Variants in GRM7 observed in about 807,000 individuals in gnomAD.
The protein encoded by GRM7 is glutamate metabotropic receptor 7.
Under a neutral mutation model 84.5 loss-of-function variants are expected in GRM7, and 35 were observed. That is an observed-to-expected ratio of 0.41 (90% confidence interval 0.32 to 0.55). GRM7 has a LOEUF of 0.55. GRM7 is among the 20% of genes least tolerant of loss of function. The pLI, the probability that GRM7 is intolerant of heterozygous loss-of-function variation, is 0.19. For missense variants in GRM7, 1,003 were observed against 1,194.6 expected, an observed-to-expected ratio of 0.84 and a Z score of 2.36; for synonymous variants, 487 against 455.1, an observed-to-expected ratio of 1.07 and a Z score of -0.89.
At chr3:6,953,504 T>C (rs1200182841) in intron 1 of GRM7, among the ~76,000 whole-genome samples, 1 of 152,184 alleles carries the variant, frequency 6.6e-6, no homozygotes, top group Admixed American at 6.6e-5. Flanking sequence ...GCTTCATTTT[T>C]CCCCCCATGC....
At chr3:6,922,264 G>A (rs916011463) in intron 1 of GRM7, among the ~76,000 whole-genome samples, 4 of 152,206 alleles carry the variant, frequency 2.6e-5, no homozygotes, top group Non-Finnish European at 5.9e-5. Context: ...CACAGTTCCA[G>A]ATAGAAATGA....
intron 6 of GRM7, among the ~76,000 whole-genome samples, chr3:7,453,492 C>T (rs184417854): frequency 6.6e-6 from 1 of 152,242 alleles, no homozygotes; most frequent in East Asian, 1.9e-4. Flanking sequence ...ACTCACAAAA[C>T]TCAGTAAAAC....
At chr3:6,965,483 T>A (rs1179927244) in intron 1 of GRM7, among the ~76,000 whole-genome samples, 2 of 151,976 alleles carry the variant, frequency 1.3e-5, no homozygotes, top group Non-Finnish European at 2.9e-5. Flanking sequence ...TGTGCCACCA[T>A]GCCCGGCTAA....
chr3:7,725,012 T>G (rs1372987384), intron 9 of GRM7, among the ~76,000 whole-genome samples: 6 of 152,178 alleles, frequency 3.9e-5, no homozygotes, highest in Non-Finnish European at 8.8e-5. Flanking sequence ...ACTCCTAGCT[T>G]CAAGCAATAA....
chr3:7,089,929 A>C (rs748441086), intron 1 of GRM7, among the ~76,000 whole-genome samples: 1 of 151,726 alleles, frequency 6.6e-6, no homozygotes. Flanking sequence ...TGCAACCTCT[A>C]CTCCCCGGGT....
chr3:6,998,668 G>C (rs1474827796), intron 1 of GRM7, among the ~76,000 whole-genome samples: 1 of 152,220 alleles, frequency 6.6e-6, no homozygotes, highest in African/African-American at 2.4e-5. Context: ...TCTAGGTGGA[G>C]GTTTCCAAAC....
chr3:7,426,940 G>A (rs1400454960), intron 5 of GRM7, among the ~76,000 whole-genome samples: 4 of 152,208 alleles, frequency 2.6e-5, no homozygotes, highest in Non-Finnish European at 5.9e-5. Flanking sequence ...GGAGAAGAAG[G>A]AGATGATTTG....
chr3:7,005,215 T>G (rs924490866), intron 1 of GRM7, among the ~76,000 whole-genome samples: 1 of 152,166 alleles, frequency 6.6e-6, no homozygotes, highest in Non-Finnish European at 1.5e-5. Flanking sequence ...TACTCAGTAG[T>G]TCCTCTCAGG....
chr3:7,163,497 A>G (rs1354243796), intron 2 of GRM7, among the ~76,000 whole-genome samples: 1 of 152,222 alleles, frequency 6.6e-6, no homozygotes, highest in Non-Finnish European at 1.5e-5. Flanking sequence ...TCCTCATTGC[A>G]GCTAGGGGTT....
At chr3:7,658,439 T>C (rs1699294316) in intron 8 of GRM7, among the ~76,000 whole-genome samples, 1 of 152,202 alleles carries the variant, frequency 6.6e-6, no homozygotes, top group Admixed American at 6.5e-5. Flanking sequence ...AAGTTGGCAA[T>C]AATTTTAGTT....
At chr3:7,058,126 C>G (rs891853780) in intron 1 of GRM7, among the ~76,000 whole-genome samples, 1 of 151,796 alleles carries the variant, frequency 6.6e-6, no homozygotes, top group African/African-American at 2.4e-5. Flanking sequence ...AATCCAGAAA[C>G]AGACTTTCGG....
intron 7 of GRM7, among the ~76,000 whole-genome samples, chr3:7,497,137 C>T (rs1244468948): frequency 1.3e-5 from 2 of 150,818 alleles, no homozygotes; most frequent in Non-Finnish European, 3.0e-5. Context: ...TGAAGTGGCT[C>T]TCTTGGTCAT....
intron 8 of GRM7, among the ~76,000 whole-genome samples, chr3:7,617,872 A>G (rs1339400544): frequency 6.6e-6 from 1 of 152,128 alleles, no homozygotes; most frequent in Admixed American, 6.6e-5. Flanking sequence ...CAACCCATCA[A>G]TCAATAAATA....
At chr3:7,043,972 C>A (rs1324553729) in intron 1 of GRM7, among the ~76,000 whole-genome samples, 3 of 152,154 alleles carry the variant, frequency 2.0e-5, no homozygotes, top group African/African-American at 4.8e-5. Flanking sequence ...GTACCGCCCC[C>A]CTGGTTCAAG....
At chr3:7,636,434 G>C in intron 8 of GRM7, 1 of 369,490 alleles carries the variant, frequency 2.7e-6, no homozygotes, top group South Asian at 2.1e-5. Context: ...TCACTCTAAA[G>C]TTACAAGAAC....
chr3:7,030,623 T>C (rs1306701835), intron 1 of GRM7, among the ~76,000 whole-genome samples: 2 of 152,176 alleles, frequency 1.3e-5, no homozygotes, highest in African/African-American at 2.4e-5. Flanking sequence ...ACCTGGCTCA[T>C]ATTCACAGTC....
chr3:7,465,940 C>A (rs1698444976), intron 7 of GRM7, among the ~76,000 whole-genome samples: 1 of 152,080 alleles, frequency 6.6e-6, no homozygotes, highest in Non-Finnish European at 1.5e-5. Flanking sequence ...CACTCTGTCT[C>A]CTCTGTGGCC....
intron 5 of GRM7, among the ~76,000 whole-genome samples, chr3:7,422,574 C>T (rs1696441087): frequency 6.6e-6 from 1 of 152,100 alleles, no homozygotes; most frequent in African/African-American, 2.4e-5. Context: ...GTCTTGATTA[C>T]AGGCTGGGCG....
At chr3:7,702,440 C>G (rs1260006037) in intron 9 of GRM7, among the ~76,000 whole-genome samples, 1 of 152,162 alleles carries the variant, frequency 6.6e-6, no homozygotes, top group African/African-American at 2.4e-5. Context: ...ATTTAAAAAC[C>G]TAACCCCTAT....
Sources: allele counts gnomAD v4.1 joint callset (sites outside exome capture counted in the v4.1 genomes callset), GRCh38; gene constraint gnomAD v4.1.1; transcripts MANE v1.5; gene names NCBI Gene and HGNC (gene_info 2026-07-23, HGNC 2026-07-21).